DSCAM: variants seen among roughly 807,000 people sequenced by gnomAD.
The protein encoded by DSCAM is cell adhesion molecule DSCAM.
In DSCAM, 47 loss-of-function variants were observed where a neutral mutation model predicts 217.7. That is an observed-to-expected ratio of 0.22 (90% CI 0.17 to 0.28). DSCAM has a LOEUF of 0.28. Ranked by LOEUF, DSCAM falls within the 10% of genes least tolerant of loss-of-function variation. The probability of loss-of-function intolerance (pLI) is 1.00; values close to 1 mark genes in which losing one functional copy is unlikely to be tolerated. For synonymous variants in DSCAM, 1,056 were observed against 1,015.3 expected (o/e 1.04, Z -0.76); for missense variants, 2,080 against 2,618.3 (o/e 0.79, Z 4.49).
At chr21:40,146,782 C>T (rs1352142908) in intron 16 of DSCAM, among the ~76,000 whole-genome samples, 1 of 152,196 alleles carries the variant, frequency 6.6e-6, no homozygotes, top group African/African-American at 2.4e-5. Flanking sequence ...AAACAAATGT[C>T]TATGCTCCTC....
At chr21:40,199,925 G>A (rs2091052484) in intron 11 of DSCAM, among the ~76,000 whole-genome samples, 1 of 149,420 alleles carries the variant, frequency 6.7e-6, no homozygotes, top group South Asian at 2.1e-4. Context: ...ATGTATTCTG[G>A]AACTTAAAGT....
At chr21:40,598,046 G>A (rs2410257) in intron 3 of DSCAM, among the ~76,000 whole-genome samples, 2,411 of 152,310 alleles carry the variant, frequency 0.016, 56 homozygotes, top group African/African-American at 0.054. Flanking sequence ...CACCATGCTA[G>A]TGCCATGCAG....
chr21:40,663,464 A>T (rs1049286782), intron 3 of DSCAM, among the ~76,000 whole-genome samples: 2 of 152,230 alleles, frequency 1.3e-5, no homozygotes, highest in Admixed American at 1.3e-4. Context: ...TGGACCACGT[A>T]CATCTATAGA....
chr21:40,426,462 A>C (rs754066799), intron 3 of DSCAM, among the ~76,000 whole-genome samples: 2 of 152,164 alleles, frequency 1.3e-5, no homozygotes, highest in African/African-American at 4.8e-5. Flanking sequence ...CTATACTACT[A>C]TGCATCTGTG....
intron 1 of DSCAM, among the ~76,000 whole-genome samples, chr21:40,770,135 C>G (rs1235217920): frequency 6.6e-6 from 1 of 152,120 alleles, no homozygotes; most frequent in Non-Finnish European, 1.5e-5. Context: ...AAAATTATAT[C>G]CAATTATCTT....
At chr21:40,664,490 C>T (rs2090177709) in intron 3 of DSCAM, among the ~76,000 whole-genome samples, 1 of 152,170 alleles carries the variant, frequency 6.6e-6, no homozygotes, top group South Asian at 2.1e-4. Flanking sequence ...GATGGCACAG[C>T]ACCCCAGGGA....
intron 3 of DSCAM, among the ~76,000 whole-genome samples, chr21:40,451,136 TC>T (rs2075715634): frequency 6.6e-6 from 1 of 152,182 alleles, no homozygotes; most frequent in African/African-American, 2.4e-5. Context: ...AGCCCCATCA[TC>T]CAGAGGCTCT....
intron 1 of DSCAM, among the ~76,000 whole-genome samples, chr21:40,829,444 A>G (rs1200914110): frequency 6.6e-6 from 1 of 152,188 alleles, no homozygotes; most frequent in Non-Finnish European, 1.5e-5. Context: ...CAGTCAGAGC[A>G]CAGTGTGTGC....
In DSCAM at chr21:40,341,654, T is replaced by C. The variant is rs189080339; in HGVS notation, c.1211-2239A>G. Among the ~76,000 whole-genome samples, 4 of 152,356 alleles carry C rather than the reference T, an allele frequency of 2.6e-5. No individual in the cohort carries two copies. The East Asian group carries it at 7.7e-4, about 29-fold the overall frequency. ...CCTCTTAGGATGTGCTGGTTTTGCC[T>C]GTGCTTGAGCTTAGAAGAAACATAA... On this transcript the variant is annotated intron_variant, in intron 6 of 32. Transcript: ENST00000400454.
At chr21:40,425,669 C>CA (rs34174337) in intron 3 of DSCAM, among the ~76,000 whole-genome samples, 11,395 of 68,314 alleles carry the variant, frequency 0.17, 707 homozygotes, top group Non-Finnish European at 0.22. Flanking sequence ...ACTCGGTGTC[C>CA]AAAAAAAAAA....
intron 31 of DSCAM, among the ~76,000 whole-genome samples, chr21:40,043,260 G>C (rs2088786442): frequency 6.6e-6 from 1 of 152,188 alleles, no homozygotes; most frequent in Non-Finnish European, 1.5e-5. Flanking sequence ...ACATGCCTTT[G>C]AGCTGGGCCA....
intron 3 of DSCAM, among the ~76,000 whole-genome samples, chr21:40,577,000 T>TA (rs59503954): frequency 0.029 from 4,070 of 140,176 alleles, 154 homozygotes; most frequent in African/African-American, 0.097. Context: ...AACAATAAAA[T>TA]AAAAAAAAAA....
At chr21:40,686,439 CAT>C (rs2090479502) in intron 3 of DSCAM, among the ~76,000 whole-genome samples, 2 of 152,068 alleles carry the variant, frequency 1.3e-5, no homozygotes, top group African/African-American at 2.4e-5. Context: ...ACACCACACA[CAT>C]ATGTGGACAC....
intron 3 of DSCAM, among the ~76,000 whole-genome samples, chr21:40,687,958 A>G (rs1404147036): frequency 6.6e-6 from 1 of 152,186 alleles, no homozygotes; most frequent in Non-Finnish European, 1.5e-5. Context: ...TGTTTCATGT[A>G]AAGTGGTTGG....
chr21:40,670,996 G>T (rs1361620701), intron 3 of DSCAM, among the ~76,000 whole-genome samples: 1 of 152,050 alleles, frequency 6.6e-6, no homozygotes, highest in African/African-American at 2.4e-5. Context: ...ATAAGAAAAT[G>T]CATCCTGAGG....
At chr21:40,160,288 A>G (rs2090526508) in intron 16 of DSCAM, among the ~76,000 whole-genome samples, 1 of 150,326 alleles carries the variant, frequency 6.7e-6, no homozygotes, top group South Asian at 2.1e-4. Context: ...AGGTGTAGAG[A>G]TGGGTGTCGT....
chr21:40,650,421 C>T (rs2146358366), intron 3 of DSCAM, among the ~76,000 whole-genome samples: 1 of 152,300 alleles, frequency 6.6e-6, no homozygotes, highest in Admixed American at 6.5e-5. Context: ...ACTGGTTAAA[C>T]ATTATTTCTG....
At chr21:40,096,430 C>T (rs187212409) in intron 20 of DSCAM, among the ~76,000 whole-genome samples, 1 of 152,240 alleles carries the variant, frequency 6.6e-6, no homozygotes, top group Admixed American at 6.5e-5. Flanking sequence ...AATAAACTGC[C>T]TAAATTGACT....
intron 1 of DSCAM, among the ~76,000 whole-genome samples, chr21:40,769,270 C>CAAAG (rs1442896918): frequency 6.6e-6 from 1 of 152,224 alleles, no homozygotes; most frequent in Non-Finnish European, 1.5e-5. Flanking sequence ...AGTATTCTAG[C>CAAAG]AAAGATGGTG....
Sources: gnomAD v4.1 joint callset for allele counts (sites outside exome capture counted in the v4.1 genomes callset) on GRCh38, gnomAD v4.1.1 for gene constraint, MANE v1.5 for transcripts, NCBI Gene and HGNC (gene_info 2026-07-23, HGNC 2026-07-21) for gene names.